The following SLC35F4 variants were observed in gnomAD, a reference collection of about 807,000 sequenced individuals.
The protein encoded by SLC35F4 is chromosome 14 open reading frame 36.
Under a neutral mutation model 44.2 loss-of-function variants are expected in SLC35F4, and 24 were observed. The observed-to-expected ratio is 0.54, with a 90% confidence interval of 0.39 to 0.76. SLC35F4 has a LOEUF of 0.76. Ranked by LOEUF, SLC35F4 falls within the 30% of genes least tolerant of loss-of-function variation. The probability of loss-of-function intolerance (pLI) is 0.00; values close to 1 mark genes in which losing one functional copy is unlikely to be tolerated. For missense variants in SLC35F4, 562 were observed against 586.1 expected, an observed-to-expected ratio of 0.96 and a Z score of 0.42; for synonymous variants, 238 against 223.6, an observed-to-expected ratio of 1.06 and a Z score of -0.57.
At chr14:57,948,711 C>G (rs185817161) in intron 1 of SLC35F4, among the ~76,000 whole-genome samples, 1 of 151,920 alleles carries the variant, frequency 6.6e-6, no homozygotes, top group Non-Finnish European at 1.5e-5. Context: ...TTGCTGTATC[C>G]GAGAGGTTTT....
intron 1 of SLC35F4, among the ~76,000 whole-genome samples, chr14:57,824,405 G>A (rs1397714595): frequency 6.6e-6 from 1 of 152,112 alleles, no homozygotes; most frequent in Non-Finnish European, 1.5e-5. Context: ...TAGGTAGGTA[G>A]AAGATAGATA....
chr14:57,579,537 A>G (rs1184350970), intron 4 of SLC35F4: 1 of 152,144 alleles, frequency 6.6e-6, no homozygotes, highest in Non-Finnish European at 1.5e-5. Context: ...ATATGGATTT[A>G]ATGTTGGTAT....
At chr14:57,881,815 G>C (rs1194883357) in intron 1 of SLC35F4, among the ~76,000 whole-genome samples, 2 of 152,026 alleles carry the variant, frequency 1.3e-5, no homozygotes, top group African/African-American at 4.8e-5. Context: ...ACCCAATCTG[G>C]TTTAAAGCTT....
At chr14:57,600,691 C>CAAAA (rs67819924) in intron 1 of SLC35F4, among the ~76,000 whole-genome samples, 8 of 55,394 alleles carry the variant, frequency 1.4e-4, no homozygotes, top group Middle Eastern at 0.014. Flanking sequence ...GACTCCATCT[C>CAAAA]AAAAAAAAAA....
chr14:57,783,302 G>A (rs1454053830), intron 1 of SLC35F4, among the ~76,000 whole-genome samples: 1 of 151,882 alleles, frequency 6.6e-6, no homozygotes, highest in Admixed American at 6.6e-5. Flanking sequence ...CCACCAAGAG[G>A]CAGCAGAGAG....
intron 1 of SLC35F4, among the ~76,000 whole-genome samples, chr14:57,740,229 A>C (rs2076571288): frequency 6.6e-6 from 1 of 152,208 alleles, no homozygotes; most frequent in Non-Finnish European, 1.5e-5. Context: ...ATATAAAAAA[A>C]CCACAGAACT....
chr14:57,613,688 C>A (rs975440848), intron 1 of SLC35F4, among the ~76,000 whole-genome samples: 2 of 152,216 alleles, frequency 1.3e-5, no homozygotes, highest in Non-Finnish European at 2.9e-5. Context: ...TGACTTCCTG[C>A]ATAGTCTCAT....
intron 1 of SLC35F4, among the ~76,000 whole-genome samples, chr14:57,812,116 A>C (rs1028327834): frequency 1.3e-5 from 2 of 152,190 alleles, no homozygotes; most frequent in Non-Finnish European, 2.9e-5. Flanking sequence ...CTAGCTAATC[A>C]GTGATGTGTA....
chr14:57,688,129 A>G (rs2075120280), intron 1 of SLC35F4, among the ~76,000 whole-genome samples: 1 of 152,122 alleles, frequency 6.6e-6, no homozygotes, highest in Non-Finnish European at 1.5e-5. Flanking sequence ...TCAAAAATTG[A>G]CCAGGAATTA....
At chr14:57,648,790 ATCAC>A (rs1486473913) in intron 1 of SLC35F4, among the ~76,000 whole-genome samples, 1 of 152,218 alleles carries the variant, frequency 6.6e-6, no homozygotes, top group Non-Finnish European at 1.5e-5. Context: ...TCTTTGTAGA[ATCAC>A]TCTCTCTCAC....
chr14:57,978,715 G>A (rs1490938396), intron 1 of SLC35F4, among the ~76,000 whole-genome samples: 2 of 152,178 alleles, frequency 1.3e-5, no homozygotes, highest in Non-Finnish European at 2.9e-5. Context: ...CTTATTTACA[G>A]TGAACCATTT....
At chr14:57,629,864 A>T in intron 1 of SLC35F4, 1 of 347,124 alleles carries the variant, frequency 2.9e-6, no homozygotes, top group South Asian at 2.4e-5. Context: ...CAGTTTGCTG[A>T]GACTGCTAGT....
At chr14:57,956,912 C>T (rs1163248529) in intron 1 of SLC35F4, among the ~76,000 whole-genome samples, 2 of 152,098 alleles carry the variant, frequency 1.3e-5, no homozygotes, top group African/African-American at 4.8e-5. Flanking sequence ...ACCAGAAATA[C>T]CATTTGACCC....
At chr14:57,956,081 A>G (rs1890232006) in intron 1 of SLC35F4, among the ~76,000 whole-genome samples, 1 of 152,236 alleles carries the variant, frequency 6.6e-6, no homozygotes, top group Non-Finnish European at 1.5e-5. Context: ...TGGTACTGGT[A>G]CCAAAAAAGA....
chr14:57,982,394 C>T (rs773337063), upstream of SLC35F4, among the ~76,000 whole-genome samples: 42 of 152,190 alleles, frequency 2.8e-4, no homozygotes, highest in Non-Finnish European at 4.8e-4. Flanking sequence ...CGGACACTGC[C>T]GACAGGGCTT....
chr14:57,981,267 C>A (rs1032876817), intron 1 of SLC35F4, among the ~76,000 whole-genome samples: 12 of 152,158 alleles, frequency 7.9e-5, no homozygotes, highest in African/African-American at 2.9e-4. Context: ...ATTTAGTGAT[C>A]ATTTCCCACG....
chr14:57,641,757 C>T (rs753236807), intron 1 of SLC35F4, among the ~76,000 whole-genome samples: 67 of 151,954 alleles, frequency 4.4e-4, no homozygotes, highest in Non-Finnish European at 6.2e-4. Context: ...GCAGCTATTA[C>T]CTAGAATACT....
chr14:57,644,394 T>C (rs1314023032), intron 1 of SLC35F4, among the ~76,000 whole-genome samples: 1 of 152,202 alleles, frequency 6.6e-6, no homozygotes, highest in Non-Finnish European at 1.5e-5. Context: ...TTTCGAGTGT[T>C]TTTTGGCAGC....
intron 1 of SLC35F4, among the ~76,000 whole-genome samples, chr14:57,805,436 A>C (rs1881197077): frequency 2.6e-5 from 4 of 152,246 alleles, no homozygotes; most frequent in Admixed American, 2.0e-4. Flanking sequence ...GATACTATGC[A>C]GCCATAGAAA....
Sources: gnomAD v4.1 joint callset for allele counts (sites outside exome capture counted in the v4.1 genomes callset) on GRCh38, gnomAD v4.1.1 for gene constraint, MANE v1.5 for transcripts, NCBI Gene and HGNC (gene_info 2026-07-23, HGNC 2026-07-21) for gene names.